Variants in SLAMF6 observed in about 807,000 individuals in gnomAD.
SLAMF6 encodes the protein NK-T-B-antigen.
SLAMF6 carries 21 observed loss-of-function variants against 38.3 expected under a neutral mutation model. The observed-to-expected ratio is 0.55, with a 90% CI of 0.39 to 0.79. The LOEUF (loss-of-function observed/expected upper bound fraction) is 0.79, where lower values mean the gene tolerates loss of function less well. Ranked by LOEUF, SLAMF6 falls within the 30% of genes least tolerant of loss-of-function variation. The pLI is 0.00. For missense variants in SLAMF6, 341 were observed against 385.3 expected, an observed-to-expected ratio of 0.89 and a Z score of 0.96; for synonymous variants, 152 against 146.3, an observed-to-expected ratio of 1.04 and a Z score of -0.28.
intron 1 of SLAMF6, among the ~76,000 whole-genome samples, chr1:160,507,068 T>C (rs2102049921): frequency 6.6e-6 from 1 of 152,212 alleles, no homozygotes; most frequent in Non-Finnish European, 1.5e-5. Context: ...TGTAAATGAA[T>C]TGAACTCTTC....
intron 1 of SLAMF6, among the ~76,000 whole-genome samples, chr1:160,513,152 G>C (rs1654577293): frequency 1.3e-5 from 2 of 152,128 alleles, no homozygotes; most frequent in Non-Finnish European, 2.9e-5. Context: ...AGAATAACCA[G>C]CTTAGAGAGG....
Position 160,485,494 on chromosome 1 carries a change from T to G in SLAMF6, c.*1213A>C, listed in dbSNP as rs1437356307. ...GATGTAAATAATTAACATAAAGAACTTTTCCTTTAATAGAGGAGCTGAAAG... is the reference window on the plus strand; with the variant it reads ...GATGTAAATAATTAACATAAAGAACGTTTCCTTTAATAGAGGAGCTGAAAG... On this transcript the variant is annotated 3_prime_UTR_variant, in exon 8 of 8. Coordinates refer to ENST00000368057, the MANE Select transcript of SLAMF6 (RefSeq NM_001184714.2). The G allele has an allele frequency of 2.0e-5, 3 of 152,088 alleles. No individual in the cohort carries two copies. In the East Asian group the frequency reaches 5.8e-4, roughly 29 times the overall value. The allele number at this position is 152,088 out of a possible 1,614,324, so 9.4% of individuals were successfully genotyped here. A position where few individuals can be genotyped will look rare whatever the true frequency, so the allele number is the denominator to read the frequency against.
intron 2 of SLAMF6, among the ~76,000 whole-genome samples, chr1:160,493,104 CAA>C (rs1360763998): frequency 6.6e-6 from 1 of 152,154 alleles, no homozygotes; most frequent in East Asian, 1.9e-4. Context: ...GAGTAGATGC[CAA>C]AGTCTTTGTG....
chr1:160,522,199 G>T (rs1282196405), intron 1 of SLAMF6, among the ~76,000 whole-genome samples: 1 of 152,084 alleles, frequency 6.6e-6, no homozygotes, highest in Non-Finnish European at 1.5e-5. Flanking sequence ...TCGCATGCTG[G>T]CTAATGAAAT....
At chr1:160,507,415 G>A (rs962304779) in intron 1 of SLAMF6, among the ~76,000 whole-genome samples, 6 of 152,038 alleles carry the variant, frequency 3.9e-5, no homozygotes, top group African/African-American at 1.4e-4. Context: ...ATTCAAGGGA[G>A]AAATAGATAG....
chr1:160,503,398 C>T (rs1469972622), intron 1 of SLAMF6, among the ~76,000 whole-genome samples: 2 of 151,942 alleles, frequency 1.3e-5, no homozygotes, highest in African/African-American at 4.8e-5. Context: ...AAAGTGATTG[C>T]GGATTTTGCC....
intron 1 of SLAMF6, among the ~76,000 whole-genome samples, chr1:160,498,838 T>A (rs1243644656): frequency 2.0e-5 from 3 of 152,314 alleles, no homozygotes; most frequent in East Asian, 1.9e-4. Context: ...TTTTTTCATG[T>A]TTGCTGAGTG....
chr1:160,495,657 T>C (rs1198792218), intron 2 of SLAMF6, among the ~76,000 whole-genome samples: 2 of 152,200 alleles, frequency 1.3e-5, no homozygotes, highest in Non-Finnish European at 2.9e-5. Flanking sequence ...CATTACTATC[T>C]CTGTGACTTG....
chr1:160,522,797 A>G (rs1655043801), intron 1 of SLAMF6, among the ~76,000 whole-genome samples: 2 of 152,174 alleles, frequency 1.3e-5, no homozygotes, highest in Non-Finnish European at 2.9e-5. Context: ...TAGTAGATAC[A>G]TTGGTATGAG....
intron 1 of SLAMF6, among the ~76,000 whole-genome samples, chr1:160,518,914 G>T (rs114715113): frequency 1.3e-5 from 2 of 152,014 alleles, no homozygotes; most frequent in East Asian, 3.8e-4. Flanking sequence ...GTGTATCCTG[G>T]AACTTAAAAT....
chr1:160,494,265 A>G (rs1653449847), intron 2 of SLAMF6, among the ~76,000 whole-genome samples: 1 of 152,164 alleles, frequency 6.6e-6, no homozygotes, highest in South Asian at 2.1e-4. Flanking sequence ...CCTGAAAGAG[A>G]TCAGCATTGA....
intron 2 of SLAMF6, 95 bp from the exon 3 acceptor site, chr1:160,491,483 AC>A (rs1184381077): frequency 1.3e-5 from 20 of 1,511,842 alleles, no homozygotes; most frequent in Non-Finnish European, 1.8e-5. Context: ...TTTGTATTTC[AC>A]CTTTGCTGTG....
chr1:160,519,869 A>G (rs949439632), intron 1 of SLAMF6, among the ~76,000 whole-genome samples: 1 of 152,170 alleles, frequency 6.6e-6, no homozygotes, highest in Admixed American at 6.6e-5. Context: ...TTAGAATAAT[A>G]GAAGTGGTGG....
intron 1 of SLAMF6, among the ~76,000 whole-genome samples, chr1:160,498,595 C>G (rs1275549367): frequency 6.6e-6 from 1 of 152,156 alleles, no homozygotes; most frequent in Non-Finnish European, 1.5e-5. Flanking sequence ...AGACCTACCC[C>G]CAGATTCAAT....
At chr1:160,490,469 C>T (rs1020890010) in intron 4 of SLAMF6, 106 bp downstream of exon 4, 10 of 1,478,978 alleles carry the variant, frequency 6.8e-6, no homozygotes, top group Admixed American at 4.4e-5. Flanking sequence ...TTGCAGCCTC[C>T]CTCCCTCCTC....
chr1:160,490,603 C>G lies in SLAMF6; in HGVS notation c.729G>C (p.Leu243=). 6 of 1,613,826 alleles carry G rather than the reference C, an allele frequency of 3.7e-6. No individual in the cohort carries two copies. Among genetic ancestry groups the G allele is most frequent in the Non-Finnish European group, 5.1e-6 (6 of 1,179,874 alleles). The change falls in exon 4 of 8, where the codon CTG becomes CTC. Residue 243 remains leucine (L), a synonymous_variant. Transcript: ENST00000368057. The part of the protein sequence containing the change: ...GICIVFGFII[L]LLLVLRKRRD... The stretch of plus-strand genomic sequence containing the variant: ...TTCTTTTCCTCAAAACAAGTAACAG[C>G]AGTATGATGAAACCGAAGACTATGC...
chr1:160,506,152 A>G (rs1654176072), intron 1 of SLAMF6, among the ~76,000 whole-genome samples: 1 of 152,196 alleles, frequency 6.6e-6, no homozygotes, highest in Non-Finnish European at 1.5e-5. Flanking sequence ...ACATGAATTT[A>G]TACATCCAAG....
chr1:160,497,430 T>C (rs1418942392), intron 1 of SLAMF6, among the ~76,000 whole-genome samples: 1 of 152,220 alleles, frequency 6.6e-6, no homozygotes. Flanking sequence ...GTAGAGTCTG[T>C]GGAAATGTTC....
intron 1 of SLAMF6, among the ~76,000 whole-genome samples, chr1:160,501,698 C>CTT (rs11324483): frequency 0.027 from 3,748 of 138,606 alleles, 129 homozygotes; most frequent in East Asian, 0.083. Flanking sequence ...TAATGCCTTG[C>CTT]TTTTTTTTTT....
Sources: gnomAD v4.1 joint callset for allele counts (sites outside exome capture counted in the v4.1 genomes callset) on GRCh38, gnomAD v4.1.1 for gene constraint, MANE v1.5 for transcripts, NCBI Gene and HGNC (gene_info 2026-07-23, HGNC 2026-07-21) for gene names.